SOX6: variants seen among roughly 807,000 people sequenced by gnomAD.
SOX6 encodes the protein transcription factor SOX-6.
In SOX6, 11 loss-of-function variants were observed where a neutral mutation model predicts 97.8. That is an observed-to-expected ratio of 0.11 (90% CI 0.07 to 0.19). The LOEUF (loss-of-function observed/expected upper bound fraction) is 0.19. SOX6 is among the 10% of genes least tolerant of loss of function. SOX6 has a pLI of 1.00. For synonymous variants in SOX6, 360 were observed against 371.4 expected, an observed-to-expected ratio of 0.97 and a Z score of 0.35; for missense variants, 810 against 1,039.5, an observed-to-expected ratio of 0.78 and a Z score of 3.04.
chr11:16,250,287 C>CT (rs140950584), intron 3 of SOX6, among the ~76,000 whole-genome samples: 1 of 7,968 alleles, frequency 1.3e-4, no homozygotes, highest in Non-Finnish European at 3.6e-4. Context: ...CACGGCCTTG[C>CT]CTTTTTTAGA....
intron 9 of SOX6, among the ~76,000 whole-genome samples, chr11:16,061,762 T>C (rs1179555252): frequency 6.6e-6 from 1 of 151,770 alleles, no homozygotes; most frequent in Non-Finnish European, 1.5e-5. Context: ...CAGCTGATCT[T>C]TGACAAAATT....
intron 1 of SOX6, among the ~76,000 whole-genome samples, chr11:16,444,011 C>CAAAAAAAAAA: frequency 8.7e-6 from 1 of 115,434 alleles, no homozygotes; most frequent in East Asian, 2.5e-4. Context: ...GACTCTGTCT[C>CAAAAAAAAAA]AAAAAAAAAA....
Position 16,454,187 on chromosome 11 carries a change from T to C in SOX6, c.-5+22128A>G, listed in dbSNP as rs539199818. 5.9e-5 allele frequency among the ~76,000 whole-genome samples: 9 copies of C among 152,248 alleles called. 1 individual carries two copies. Among genetic ancestry groups the C allele is most frequent in the African/African-American group, 2.2e-4 (9 of 41,568 alleles). ...ATAACTCACGTACCAGGAGTACGAT[T>C]ATTTTTTAGCTCTCCAAGGTAATGA... On this transcript the variant is annotated intron_variant, in intron 1 of 15. Coordinates refer to the SOX6 transcript ENST00000396356.
intron 13 of SOX6, among the ~76,000 whole-genome samples, chr11:15,995,653 C>A (rs76332530): frequency 1.1e-3 from 168 of 152,136 alleles, no homozygotes; most frequent in African/African-American, 3.9e-3. Context: ...CAGGGAAATG[C>A]AGGCCAAATA....
At chr11:16,036,938 A>G (rs1446018410) in intron 12 of SOX6, among the ~76,000 whole-genome samples, 1 of 152,200 alleles carries the variant, frequency 6.6e-6, no homozygotes, top group East Asian at 1.9e-4. Context: ...AACAGTTTAG[A>G]ATCTACTCAG....
At chr11:16,662,401 G>A (rs1411453128) in intron 3 of SOX6, among the ~76,000 whole-genome samples, 1 of 152,094 alleles carries the variant, frequency 6.6e-6, no homozygotes, top group Non-Finnish European at 1.5e-5. Context: ...TGTAAATAAG[G>A]TGGATTTTTT....
Position 16,264,865 on chromosome 11 carries a change from AAG to A in SOX6, c.446-30196_446-30195del, listed in dbSNP as rs1491033525. On this transcript the variant is annotated intron_variant, in intron 3 of 15. Coordinates refer to ENST00000683767, the MANE Select transcript of SOX6 (RefSeq NM_001367873.1). ...TACCCTCCTGCAAAAAAAAAAAAAA[AAG>A]AAGCTTAAAAAACTTTGAGAAATAA... 7 of 151,324 alleles carry A rather than the reference AAG, an allele frequency of 4.6e-5. No homozygotes were observed. The South Asian group carries it at 1.3e-3, about 27-fold the overall frequency. The allele number at this position is 151,324 out of a possible 1,614,324, so 9.4% of individuals were successfully genotyped here.
At chr11:16,113,085 A>C (rs899160257) in intron 6 of SOX6, among the ~76,000 whole-genome samples, 3 of 152,120 alleles carry the variant, frequency 2.0e-5, no homozygotes, top group Admixed American at 1.3e-4. Context: ...TACACTGGCT[A>C]ATGACCCTGT....
chr11:16,710,427 GA>G (rs1848169863), intron 3 of SOX6, among the ~76,000 whole-genome samples: 1 of 152,174 alleles, frequency 6.6e-6, no homozygotes, highest in African/African-American at 2.4e-5. Context: ...GGACGAGCCA[GA>G]ACTCAAATCA....
exon 4 of SOX6, chr11:16,612,100 C>G (rs1003551303): frequency 1.3e-5 from 2 of 152,504 alleles, no homozygotes; most frequent in Admixed American, 6.6e-5. Flanking sequence ...GGGCAGGCTG[C>G]GGGAGAAAAG....
chr11:16,296,456 T>C (rs1855092607), intron 3 of SOX6, among the ~76,000 whole-genome samples: 1 of 152,138 alleles, frequency 6.6e-6, no homozygotes, highest in African/African-American at 2.4e-5. Flanking sequence ...GGCAACGGAA[T>C]GCTGTACAGC....
At chr11:16,597,340 G>GTA (rs951416926) in intron 4 of SOX6, among the ~76,000 whole-genome samples, 16 of 143,208 alleles carry the variant, frequency 1.1e-4, no homozygotes, top group Non-Finnish European at 1.8e-4. Context: ...ATGTGTGTGT[G>GTA]TATATATATA....
chr11:16,330,191 C>T (rs1185939882), intron 2 of SOX6, among the ~76,000 whole-genome samples: 2 of 152,142 alleles, frequency 1.3e-5, no homozygotes, highest in Non-Finnish European at 2.9e-5. Flanking sequence ...AGATTTCATG[C>T]CATGTAAGCA....
chr11:16,392,518 A>C (rs905736723), intron 1 of SOX6, among the ~76,000 whole-genome samples: 1 of 152,188 alleles, frequency 6.6e-6, no homozygotes, highest in Non-Finnish European at 1.5e-5. Flanking sequence ...CCAGAAGATC[A>C]GAAGCTTTTT....
intron 6 of SOX6, among the ~76,000 whole-genome samples, chr11:16,169,083 G>A (rs1408928978): frequency 6.6e-6 from 1 of 151,816 alleles, no homozygotes; most frequent in Non-Finnish European, 1.5e-5. Flanking sequence ...GTAATATTTG[G>A]GGAATTTTTA....
At chr11:16,281,979 T>G (rs541547717) in intron 3 of SOX6, among the ~76,000 whole-genome samples, 68 of 52,890 alleles carry the variant, frequency 1.3e-3, no homozygotes, top group African/African-American at 3.6e-3. Context: ...ATATATAAAA[T>G]CATGTATATA....
intron 4 of SOX6, among the ~76,000 whole-genome samples, chr11:16,560,069 C>T (rs1847791619): frequency 6.6e-6 from 1 of 152,106 alleles, no homozygotes; most frequent in Non-Finnish European, 1.5e-5. Flanking sequence ...AGAGCAATGG[C>T]TCAAGAAAAT....
At chr11:16,191,293 A>G (rs1851623807) in intron 4 of SOX6, among the ~76,000 whole-genome samples, 1 of 152,066 alleles carries the variant, frequency 6.6e-6, no homozygotes, top group Admixed American at 6.6e-5. Flanking sequence ...TGTCTCTCCA[A>G]AAATTTTTTT....
chr11:15,984,256 T>C (rs529596286), intron 15 of SOX6, among the ~76,000 whole-genome samples: 20 of 152,338 alleles, frequency 1.3e-4, no homozygotes, highest in Non-Finnish European at 2.4e-4. Flanking sequence ...GCTGTTTTAA[T>C]GTACCCTTTA....
Sources: gnomAD v4.1 joint callset for allele counts (sites outside exome capture counted in the v4.1 genomes callset) on GRCh38, gnomAD v4.1.1 for gene constraint, MANE v1.5 for transcripts, NCBI Gene and HGNC (gene_info 2026-07-23, HGNC 2026-07-21) for gene names.